The following THTPA variants were observed in gnomAD, a reference collection of about 807,000 sequenced individuals.
THTPA encodes thiamine triphosphatase, also known as thiamine-triphosphatase.
In THTPA, 16 loss-of-function variants were observed where a neutral mutation model predicts 16.5. The ratio of observed to expected loss-of-function variants is 0.97; its 90% CI spans 0.66 to 1.47. THTPA has a LOEUF of 1.47. THTPA is among the 40% of genes most tolerant of loss of function. The probability of loss-of-function intolerance (pLI) is 0.00; values close to 1 mark genes in which losing one functional copy is unlikely to be tolerated. For missense variants in THTPA, 281 were observed against 280.9 expected (o/e 1.00, Z 0.00); for synonymous variants, 110 against 115.5 (o/e 0.95, Z 0.30).
chr14:23,526,645 A>T, the THTPA span: 8 of 1,535,838 alleles, frequency 5.2e-6, no homozygotes, highest in Middle Eastern at 3.3e-4. Flanking sequence ...CAGGAAGAGG[A>T]TCTGGACTGG....
At chr14:23,547,953 G>C in the THTPA span, among the ~76,000 whole-genome samples, 1 of 152,128 alleles carries the variant, frequency 6.6e-6, no homozygotes, top group Non-Finnish European at 1.5e-5. Flanking sequence ...AGGGGACTCT[G>C]TCCCATTTCC....
the THTPA span, among the ~76,000 whole-genome samples, chr14:23,539,315 G>T: frequency 6.6e-6 from 1 of 152,160 alleles, no homozygotes; most frequent in Admixed American, 6.5e-5. Context: ...CAGCCAGGGA[G>T]TTAATGCCCT....
chr14:23,520,913 C>A, the THTPA span: 2 of 141,470 alleles, frequency 1.4e-5, no homozygotes, highest in African/African-American at 5.4e-5. The surrounding 1 kb of genome is among the most constrained non-coding windows in gnomAD (Gnocchi z 8.7). Flanking sequence ...TTACGTTTTT[C>A]TTTAGTTCAT....
At chr14:23,532,869 C>T in the THTPA span, 1 of 1,536,270 alleles carries the variant, frequency 6.5e-7, no homozygotes, top group Admixed American at 2.0e-5. Context: ...TCACCAGCCA[C>T]CTCCTTCCAT....
chr14:23,544,512 G>A, the THTPA span, among the ~76,000 whole-genome samples: 1 of 152,208 alleles, frequency 6.6e-6, no homozygotes, highest in East Asian at 1.9e-4. Flanking sequence ...GGTTGGTGAA[G>A]GTGCTTGTTC....
In THTPA at chr14:23,556,794, C is replaced by T; in HGVS notation, c.37C>T (p.Leu13Phe). The T allele has an allele frequency of 6.2e-7, 1 of 1,613,640 alleles. No individual in the cohort carries two copies. The change falls in exon 1 of 2, where the codon CTT (leucine) becomes TTT (phenylalanine). Residue 13 changes from leucine to phenylalanine, a missense_variant. Physicochemically the swap from Leu to Phe is conservative, Grantham distance 22. Transcript: ENST00000288014. ...QGLIEVERKF[L>F]PGPGTEERLQ... ...CTTGATTGAGGTGGAGCGAAAGTTC[C>T]TTCCAGGGCCTGGCACAGAGGAGCG...
chr14:23,523,268 G>C, the THTPA span: 9 of 1,436,636 alleles, frequency 6.3e-6, no homozygotes, highest in South Asian at 1.0e-4. This position sits in a 1 kb window ranked among gnomAD's most constrained non-coding sequence, Gnocchi z 4.1. Flanking sequence ...TAAGAGGACC[G>C]GCGCCAGGCG....
the THTPA span, chr14:23,524,838 C>T: frequency 4.6e-6 from 7 of 1,537,016 alleles, no homozygotes; most frequent in African/African-American, 1.4e-5. This position sits in a 1 kb window ranked among gnomAD's most constrained non-coding sequence, Gnocchi z 5.6. Context: ...GCCTCTTCCT[C>T]CTCCTCTTCA....
chr14:23,537,824 C>T, the THTPA span, among the ~76,000 whole-genome samples: 8 of 152,256 alleles, frequency 5.3e-5, no homozygotes, highest in East Asian at 5.8e-4. Flanking sequence ...GTTATTCCAT[C>T]GTCACCCACA....
the THTPA span, among the ~76,000 whole-genome samples, chr14:23,549,011 CCTT>C: frequency 1.3e-5 from 2 of 152,122 alleles, no homozygotes; most frequent in African/African-American, 4.8e-5. Context: ...CATCCATTTA[CCTT>C]CTTTGTACCA....
intron 1 of THTPA, 91 bp downstream of exon 1, chr14:23,557,395 C>T (rs752012347): frequency 1.3e-4 from 177 of 1,373,752 alleles, no homozygotes; most frequent in Non-Finnish European, 1.6e-4. Context: ...GGAGGGCCTC[C>T]GGATTAAAAA....
chr14:23,557,802 G>A (rs1317933870), intron 1 of THTPA, among the ~76,000 whole-genome samples: 1 of 151,882 alleles, frequency 6.6e-6, no homozygotes, highest in Non-Finnish European at 1.5e-5. Context: ...GGAGTAAAAA[G>A]TAAGCCTTTT....
At chr14:23,541,411 C>T in the THTPA span, among the ~76,000 whole-genome samples, 1 of 151,958 alleles carries the variant, frequency 6.6e-6, no homozygotes, top group Non-Finnish European at 1.5e-5. Flanking sequence ...CCTCAGCCTC[C>T]CAAGTAGCTG....
chr14:23,519,044 C>T, the THTPA span, among the ~76,000 whole-genome samples: 1 of 152,180 alleles, frequency 6.6e-6, no homozygotes, highest in Non-Finnish European at 1.5e-5. Flanking sequence ...CCCCAAATTC[C>T]AGGGTTCCAG....
the THTPA span, among the ~76,000 whole-genome samples, chr14:23,514,966 A>G: frequency 1.3e-5 from 2 of 152,098 alleles, no homozygotes; most frequent in East Asian, 3.9e-4. Context: ...TACCATATTG[A>G]GTGTTTGAGC....
the THTPA span, chr14:23,544,059 C>T: frequency 6.6e-6 from 1 of 152,028 alleles, no homozygotes; most frequent in Non-Finnish European, 1.5e-5. Flanking sequence ...TGAGACCAGC[C>T]TGGCCAACAC....
the THTPA span, chr14:23,548,266 A>C: frequency 1.3e-5 from 2 of 152,124 alleles, no homozygotes; most frequent in African/African-American, 4.8e-5. Flanking sequence ...TCCTCTTGCT[A>C]CTGTCAGGCT....
the THTPA span, chr14:23,530,160 G>A: frequency 6.5e-7 from 1 of 1,536,098 alleles, no homozygotes; most frequent in Non-Finnish European, 8.7e-7. Flanking sequence ...TCTCAGGGGT[G>A]GGTGGCTCAG....
the THTPA span, chr14:23,533,250 GGAGGA>G: frequency 0.12 from 176,366 of 1,436,340 alleles, 11,228 homozygotes; most frequent in South Asian, 0.15. This position sits in a 1 kb window ranked among gnomAD's most constrained non-coding sequence, Gnocchi z 4.8. Flanking sequence ...TTGGCCCTGG[GGAGGA>G]GAGAAGAGGG....
Sources: gnomAD v4.1 joint callset for allele counts (sites outside exome capture counted in the v4.1 genomes callset) on GRCh38, gnomAD v4.1.1 for gene constraint, Gnocchi (gnomAD v3.1) non-coding constraint, MANE v1.5 for transcripts, NCBI Gene and HGNC (gene_info 2026-07-23, HGNC 2026-07-21) for gene names.